PDE4D: variants seen among roughly 807,000 people sequenced by gnomAD.
PDE4D encodes phosphodiesterase 4D, also known as 3',5'-cyclic-AMP phosphodiesterase 4D.
Under a neutral mutation model 87.4 loss-of-function variants are expected in PDE4D, and 24 were observed. The observed-to-expected ratio is 0.27, with a 90% CI of 0.20 to 0.39. The LOEUF is 0.39. Ranked by LOEUF, PDE4D falls within the 10% of genes least tolerant of loss-of-function variation. PDE4D has a pLI of 1.00. For missense variants in PDE4D, 714 were observed against 1,041.0 expected (o/e 0.69, Z 4.32); for synonymous variants, 384 against 383.2 (o/e 1.00, Z -0.02).
intron 1 of PDE4D, among the ~76,000 whole-genome samples, chr5:59,419,340 G>A (rs1794122272): frequency 6.6e-6 from 1 of 152,160 alleles, no homozygotes; most frequent in East Asian, 1.9e-4. Context: ...TCTCAGTTTT[G>A]CATTCCTAGC....
At chr5:60,097,662 GAAC>G (rs1472848168) in intron 2 of PDE4D, among the ~76,000 whole-genome samples, 1 of 151,774 alleles carries the variant, frequency 6.6e-6, no homozygotes, top group Non-Finnish European at 1.5e-5. Flanking sequence ...ACAGTTATTA[GAAC>G]AATAAGGTAA....
chr5:59,976,912 A>G (rs1476036419), intron 3 of PDE4D, among the ~76,000 whole-genome samples: 1 of 152,174 alleles, frequency 6.6e-6, no homozygotes, highest in Non-Finnish European at 1.5e-5. Flanking sequence ...GCCACAAACC[A>G]TGCCCATGTA....
rs566777461 is a variant in PDE4D at position 59,397,114 on chromosome 5, T to C, written c.456-181146A>G. Among the ~76,000 whole-genome samples the C allele has an allele frequency of 1.8e-3, 222 of 125,720 alleles. 10 individuals are homozygous for C. Among genetic ancestry groups the C allele is most frequent in the African/African-American group, 6.8e-3 (216 of 31,810 alleles). 82.5% of individuals were successfully genotyped at this position (125,720 alleles called of 152,430 possible). The stretch of plus-strand genomic sequence containing the variant: ...AGTGACCTACAAAGAGACTTAGACT[T>C]CCACACATTAATAATGGGAGACTTT... On this transcript the variant is annotated intron_variant, in intron 1 of 14. Coordinates refer to ENST00000340635, the MANE Select transcript of PDE4D (RefSeq NM_001104631.2).
intron 2 of PDE4D, among the ~76,000 whole-genome samples, chr5:60,128,848 A>G (rs1226718304): frequency 6.6e-6 from 1 of 152,188 alleles, no homozygotes; most frequent in African/African-American, 2.4e-5. Flanking sequence ...TCAAAACCAA[A>G]TAGCAGTTAA....
chr5:59,832,664 T>C (rs564216208), intron 1 of PDE4D, among the ~76,000 whole-genome samples: 6 of 152,170 alleles, frequency 3.9e-5, no homozygotes, highest in Non-Finnish European at 5.9e-5. Flanking sequence ...CTCAAAAGCC[T>C]AAACATTTAT....
At chr5:60,200,227 G>T (rs893769489) in intron 1 of PDE4D, among the ~76,000 whole-genome samples, 1 of 151,530 alleles carries the variant, frequency 6.6e-6, no homozygotes, top group Non-Finnish European at 1.5e-5. Context: ...TATCCAATTT[G>T]CAGATGAAGA....
chr5:60,239,161 G>C (rs1746782212), intron 1 of PDE4D, among the ~76,000 whole-genome samples: 1 of 152,040 alleles, frequency 6.6e-6, no homozygotes, highest in Non-Finnish European at 1.5e-5. Context: ...TATGTTGTAA[G>C]AAAGGGTACT....
intron 3 of PDE4D, among the ~76,000 whole-genome samples, chr5:59,943,841 T>TA (rs1229271150): frequency 3.3e-5 from 5 of 152,178 alleles, no homozygotes; most frequent in African/African-American, 1.2e-4. Flanking sequence ...GTCCTTTAAT[T>TA]GTGCAGTAAC....
chr5:58,992,665 T>C (rs1748184889), intron 7 of PDE4D, among the ~76,000 whole-genome samples: 1 of 152,196 alleles, frequency 6.6e-6, no homozygotes, highest in South Asian at 2.1e-4. Flanking sequence ...TTGTGTTCTA[T>C]AGTAAAAGAC....
intron 1 of PDE4D, among the ~76,000 whole-genome samples, chr5:59,518,656 T>C (rs372028506): frequency 2.0e-5 from 3 of 152,210 alleles, no homozygotes; most frequent in East Asian, 3.8e-4. Context: ...GAATGTTTCA[T>C]GGCTGAAGGG....
chr5:59,498,065 C>A (rs1807549244), intron 1 of PDE4D, among the ~76,000 whole-genome samples: 1 of 151,692 alleles, frequency 6.6e-6, no homozygotes, highest in African/African-American at 2.4e-5. Context: ...ATTTCATATC[C>A]CACCAACTAT....
intron 2 of PDE4D, among the ~76,000 whole-genome samples, chr5:60,034,032 T>C (rs1767526731): frequency 6.6e-6 from 1 of 152,198 alleles, no homozygotes. Flanking sequence ...ATATCTGAGA[T>C]GATCTTGTCC....
At chr5:60,435,520 T>C (rs937973391) in intron 1 of PDE4D, among the ~76,000 whole-genome samples, 1 of 152,104 alleles carries the variant, frequency 6.6e-6, no homozygotes, top group Non-Finnish European at 1.5e-5. Context: ...AAGATGATTG[T>C]CTCTTGACTC....
At chr5:59,385,042 T>C (rs1307930285) in intron 1 of PDE4D, among the ~76,000 whole-genome samples, 1 of 152,198 alleles carries the variant, frequency 6.6e-6, no homozygotes, top group East Asian at 1.9e-4. Flanking sequence ...GGTACTCATA[T>C]CTGCCACCCC....
intron 2 of PDE4D, among the ~76,000 whole-genome samples, chr5:59,203,467 C>A (rs192243632): frequency 6.6e-6 from 1 of 152,158 alleles, no homozygotes; most frequent in East Asian, 1.9e-4. Context: ...ACCATATGAT[C>A]CAGCAATTCT....
At chr5:59,187,076 A>G (rs1743090634) in intron 3 of PDE4D, among the ~76,000 whole-genome samples, 1 of 152,110 alleles carries the variant, frequency 6.6e-6, no homozygotes, top group South Asian at 2.1e-4. Context: ...TTTTTATTCC[A>G]ATACATAATA....
chr5:60,230,921 G>C (rs923048618), intron 1 of PDE4D, among the ~76,000 whole-genome samples: 6 of 152,052 alleles, frequency 3.9e-5, no homozygotes, highest in African/African-American at 1.4e-4. Flanking sequence ...GTTCTGGCAG[G>C]AACAGGGGTT....
chr5:59,893,562 C>G lies in PDE4D; in HGVS notation c.61G>C (p.Ala21Pro). 5.9e-6 allele frequency: 9 copies of G among 1,534,040 alleles called. No homozygotes were observed. The highest frequency in any genetic ancestry group is 7.9e-6 in the Non-Finnish European group (9 of 1,140,320). The change falls in exon 1 of 15, where the codon GCC becomes CCC. Residue 21 changes from alanine (A) to proline (P), a missense_variant. By Grantham distance (27) the Ala-to-Pro change is conservative. This residue lies in a region of PDE4D where 268 missense variants were observed against 272.9 expected (regional missense o/e 0.98). Transcript: ENST00000340635. ...RAGSGEGSDS[A>P]GGATLKAPKH... ...GGGGCTTTGAGCGTGGCCCCGCCGG[C>G]GCTGTCGCTGCCCTCTCCGCTGCCC...
chr5:60,235,330 G>A (rs1338919317), intron 1 of PDE4D, among the ~76,000 whole-genome samples: 1 of 151,814 alleles, frequency 6.6e-6, no homozygotes, highest in Non-Finnish European at 1.5e-5. Context: ...TCCAGAAGAA[G>A]TGTGTGAGGT....
Sources: gnomAD v4.1 joint callset for allele counts (sites outside exome capture counted in the v4.1 genomes callset) on GRCh38, gnomAD v4.1.1 for gene constraint, gnomAD v4.1.1 regional missense constraint, MANE v1.5 for transcripts, NCBI Gene and HGNC (gene_info 2026-07-23, HGNC 2026-07-21) for gene names.